MAPK10: variants seen among roughly 807,000 people sequenced by gnomAD.
MAPK10 encodes the protein JNK3 alpha protein kinase.
MAPK10 carries 25 observed loss-of-function variants against 59.3 expected under a neutral mutation model. That is an observed-to-expected ratio of 0.42 (90% CI 0.31 to 0.59). MAPK10 has a LOEUF of 0.59. MAPK10 is among the 20% of genes least tolerant of loss of function. The pLI is 0.15. For missense variants in MAPK10, 351 were observed against 568.9 expected, an observed-to-expected ratio of 0.62 and a Z score of 3.90; for synonymous variants, 190 against 200.5, an observed-to-expected ratio of 0.95 and a Z score of 0.44.
chr4:86,360,124 A>T (rs886059683), upstream of MAPK10: 2 of 985,392 alleles, frequency 2.0e-6, no homozygotes, highest in Admixed American at 6.2e-5. Flanking sequence ...AGGAGCACAC[A>T]TGACGTCAAA....
intron 1 of MAPK10, among the ~76,000 whole-genome samples, chr4:86,405,966 G>A (rs998738748): frequency 6.6e-6 from 1 of 152,144 alleles, no homozygotes; most frequent in Admixed American, 6.6e-5. Flanking sequence ...GAAGAAACAG[G>A]TAAGAAAGAA....
At chr4:86,075,273 G>T (rs960458547) in intron 9 of MAPK10, among the ~76,000 whole-genome samples, 2 of 151,990 alleles carry the variant, frequency 1.3e-5, no homozygotes, top group Middle Eastern at 3.4e-3. Context: ...CTCTGTATTG[G>T]TTATTCTAGT....
At chr4:86,208,641 T>G (rs562326009) in intron 2 of MAPK10, among the ~76,000 whole-genome samples, 31 of 151,924 alleles carry the variant, frequency 2.0e-4, no homozygotes, top group Non-Finnish European at 4.0e-4. Context: ...TCATACTGAA[T>G]GGGCAAAAAC....
intron 2 of MAPK10, chr4:86,326,107 C>G (rs1416144508): frequency 6.6e-6 from 1 of 152,144 alleles, no homozygotes; most frequent in East Asian, 1.9e-4. Flanking sequence ...TTCACAGAGG[C>G]AATGACATTG....
At chr4:86,548,383 G>A (rs1045014778) in intron 1 of MAPK10, among the ~76,000 whole-genome samples, 1 of 152,114 alleles carries the variant, frequency 6.6e-6, no homozygotes, top group Admixed American at 6.5e-5. Context: ...CACTCACCAC[G>A]AGGGTCCACA....
intron 1 of MAPK10, among the ~76,000 whole-genome samples, chr4:86,368,055 A>G (rs1738197666): frequency 6.6e-6 from 1 of 152,186 alleles, no homozygotes; most frequent in Non-Finnish European, 1.5e-5. Flanking sequence ...AATGGGAAAC[A>G]CAGAGCCCAC....
intron 1 of MAPK10, among the ~76,000 whole-genome samples, chr4:86,552,014 T>C (rs953038819): frequency 6.6e-6 from 1 of 152,206 alleles, no homozygotes; most frequent in Admixed American, 6.5e-5. Flanking sequence ...TTCTGCTGAT[T>C]TTTTTCATTA....
intron 1 of MAPK10, among the ~76,000 whole-genome samples, chr4:86,522,165 T>C (rs1183762683): frequency 6.6e-6 from 1 of 152,238 alleles, no homozygotes; most frequent in East Asian, 1.9e-4. Context: ...GACTTATCCC[T>C]CTATCACACT....
chr4:86,527,318 A>AG (rs1757539427), intron 1 of MAPK10, among the ~76,000 whole-genome samples: 1 of 133,672 alleles, frequency 7.5e-6, no homozygotes, highest in African/African-American at 2.8e-5. Context: ...TTGCCAAAAA[A>AG]AAAAAAAAAA....
intron 2 of MAPK10, chr4:86,327,515 T>C (rs1440315820): frequency 6.6e-6 from 1 of 150,900 alleles, no homozygotes; most frequent in Non-Finnish European, 1.5e-5. Context: ...ATTACTATCT[T>C]TTTTTTTTGC....
chr4:86,038,068 A>G (rs1006531587), intron 11 of MAPK10, among the ~76,000 whole-genome samples: 9 of 152,202 alleles, frequency 5.9e-5, no homozygotes, highest in Admixed American at 4.6e-4. Flanking sequence ...CTCTAAACAC[A>G]TGAATCTCTA....
At chr4:86,286,307 C>A (rs952048686) in intron 2 of MAPK10, among the ~76,000 whole-genome samples, 1 of 152,174 alleles carries the variant, frequency 6.6e-6, no homozygotes, top group African/African-American at 2.4e-5. Context: ...TGTCCCTGAA[C>A]AAAGGCTTTG....
chr4:86,202,718 T>C (rs964915050), intron 2 of MAPK10, among the ~76,000 whole-genome samples: 24 of 151,840 alleles, frequency 1.6e-4, no homozygotes, highest in African/African-American at 5.6e-4. Context: ...TGGGAAATAA[T>C]AACATCCAGC....
intron 2 of MAPK10, among the ~76,000 whole-genome samples, chr4:86,295,470 T>C (rs1175454673): frequency 1.3e-5 from 2 of 152,040 alleles, no homozygotes; most frequent in Non-Finnish European, 2.9e-5. Flanking sequence ...CAGCGTCCCT[T>C]CCCTACATTA....
At chr4:86,429,996 ATTT>A (rs1747827825) in intron 1 of MAPK10, among the ~76,000 whole-genome samples, 1 of 152,136 alleles carries the variant, frequency 6.6e-6, no homozygotes, top group East Asian at 1.9e-4. Context: ...CATTGAAGTT[ATTT>A]TTGGTTGGGA....
intron 1 of MAPK10, among the ~76,000 whole-genome samples, chr4:86,468,876 A>T (rs575430219): frequency 6.6e-6 from 1 of 152,096 alleles, no homozygotes; most frequent in African/African-American, 2.4e-5. Context: ...AAGAAAAAGA[A>T]GGAAAATAAC....
intron 2 of MAPK10, among the ~76,000 whole-genome samples, chr4:86,320,823 T>C (rs1272183392): frequency 6.6e-6 from 1 of 152,214 alleles, no homozygotes; most frequent in African/African-American, 2.4e-5. Flanking sequence ...CATCTTGAAT[T>C]AATTTTTGTA....
intron 1 of MAPK10, among the ~76,000 whole-genome samples, chr4:86,576,712 T>C (rs1484915087): frequency 6.6e-6 from 1 of 151,684 alleles, no homozygotes; most frequent in African/African-American, 2.4e-5. Flanking sequence ...GAGGCGGAGC[T>C]TGCAGTGAGC....
intron 1 of MAPK10, among the ~76,000 whole-genome samples, chr4:86,533,763 A>T (rs1378897886): frequency 6.6e-6 from 1 of 152,242 alleles, no homozygotes; most frequent in Non-Finnish European, 1.5e-5. Context: ...GCCAACAGTT[A>T]CTGAGCAAAC....
Sources: allele counts gnomAD v4.1 joint callset (sites outside exome capture counted in the v4.1 genomes callset), GRCh38; gene constraint gnomAD v4.1.1; transcripts MANE v1.5; gene names NCBI Gene and HGNC (gene_info 2026-07-23, HGNC 2026-07-21).